SGTA: variants seen among roughly 807,000 people sequenced by gnomAD.
SGTA encodes small glutamine-rich tetratricopeptide repeat-containing protein alpha.
SGTA carries 22 observed loss-of-function variants against 44.3 expected under a neutral mutation model. That is an observed-to-expected ratio of 0.50 (90% CI 0.36 to 0.71). The LOEUF (loss-of-function observed/expected upper bound fraction) is 0.71, where lower values mean the gene tolerates loss of function less well. SGTA is among the 30% of genes least tolerant of loss of function. The pLI is 0.00. For missense variants in SGTA, 341 were observed against 435.9 expected, an observed-to-expected ratio of 0.78 and a Z score of 1.94; for synonymous variants, 174 against 177.6, an observed-to-expected ratio of 0.98 and a Z score of 0.16.
rs776600289 is a variant in SGTA at position 2,768,924 on chromosome 19, T to A, written c.100+45A>T. On this transcript the variant is annotated intron_variant, in intron 2 of 11. Coordinates refer to ENST00000221566, the MANE Select transcript of SGTA (RefSeq NM_003021.4). ...AGGTGTCTACACGAGGCGACTGTGC[T>A]GGCCGCTGCCCGGGGAGAGGGGGAA... 20 of 1,442,180 alleles carry A rather than the reference T, an allele frequency of 1.4e-5. No homozygotes were observed. In the South Asian group the frequency reaches 2.1e-4, roughly 15 times the overall value. 89.3% of individuals were successfully genotyped at this position (1,442,180 alleles called of 1,614,324 possible).
chr19:2,763,078 G>T lies in SGTA; in HGVS notation c.498-434C>A, dbSNP rs1028325517. On this transcript the variant is annotated intron_variant, in intron 6 of 11. Transcript: ENST00000221566. The surrounding 1 kb of genome is among the most constrained non-coding windows in gnomAD (Gnocchi z 5.8). The stretch of plus-strand genomic sequence containing the variant: ...CCCCCACCTGAGTGAGTCTTCACTC[G>T]TGAGGTGACTCAGGGCCCCTACAGA... 1.3e-5 allele frequency among the ~76,000 whole-genome samples: 2 copies of T among 152,176 alleles called. No homozygotes were observed. Among genetic ancestry groups the T allele is most frequent in the African/African-American group, 2.4e-5 (1 of 41,456 alleles).
rs565758472 is a variant in SGTA at position 2,768,910 on chromosome 19, C to T, written c.100+59G>A. On this transcript the variant is annotated intron_variant, in intron 2 of 11. Transcript: ENST00000221566. Reference sequence around the variant, plus strand: ...GGCATCTACACACCAGGTGTCTACACGAGGCGACTGTGCTGGCCGCTGCCC... The same window carrying T: ...GGCATCTACACACCAGGTGTCTACATGAGGCGACTGTGCTGGCCGCTGCCC... The T allele has an allele frequency of 5.3e-5, 67 of 1,274,888 alleles. 1 individual carries two copies. The highest frequency in any genetic ancestry group is 5.3e-4 in the South Asian group (44 of 83,792). The allele number at this position is 1,274,888 out of a possible 1,614,324, so 79.0% of individuals were successfully genotyped here.
intron 9 of SGTA, 49 bp from the exon 10 acceptor site, chr19:2,757,831 C>T (rs1914872462): frequency 7.5e-7 from 1 of 1,326,994 alleles, no homozygotes; most frequent in East Asian, 2.5e-5. Context: ...TGACCGCCAC[C>T]CCCACTGCAG....
chr19:2,776,971 A>G (rs1915457595), intron 1 of SGTA, among the ~76,000 whole-genome samples: 1 of 151,480 alleles, frequency 6.6e-6, no homozygotes, highest in Non-Finnish European at 1.5e-5. Context: ...TCAAAAAAAA[A>G]AGAAAGACTG....
rs1278315304 is a variant in SGTA, at chr19:2,757,788, G to A, written c.738-6C>T. On this transcript the variant is annotated splice_region_variant and splice_polypyrimidine_tract_variant and intron_variant, in intron 9 of 11. Transcript: ENST00000221566. ...CCGAAATCATGCCGGACATGCTGCA[G>A]GAGAGAGCGCGTGACTCGCAGCCGG... 6.3e-5 allele frequency: 100 copies of A among 1,579,072 alleles called. No individual in the cohort carries two copies. Among genetic ancestry groups the A allele is most frequent in the Non-Finnish European group, 8.2e-5 (95 of 1,162,932 alleles).
Position 2,765,019 on chromosome 19 carries a change from G to A in SGTA, c.392+167C>T, listed in dbSNP as rs111267543. ...TTTTAAATCAGCATCGACTCTCCCC[G>A]ACCCCGTTGCTGGTCACCTGATGCT... is the stretch of plus-strand genomic sequence containing the variant. On this transcript the variant is annotated intron_variant, in intron 5 of 11. Transcript: ENST00000221566. This position sits in a 1 kb window ranked among gnomAD's most constrained non-coding sequence, Gnocchi z 5.5. Among the ~76,000 whole-genome samples, 913 of 152,054 alleles carry A rather than the reference G, an allele frequency of 6.0e-3. 23 individuals are homozygous for A. Among genetic ancestry groups the A allele is most frequent in the East Asian group, 0.014 (72 of 5,164 alleles).
chr19:2,761,442 G>A lies in SGTA; in HGVS notation c.699+18C>T, dbSNP rs1914986404. On this transcript the variant is annotated intron_variant, in intron 8 of 11. Coordinates refer to ENST00000221566, the MANE Select transcript of SGTA (RefSeq NM_003021.4). The surrounding 1 kb of genome is among the most constrained non-coding windows in gnomAD (Gnocchi z 5.7). ...GTGGCGCAGACACCATGGACAGGGA[G>A]GAGGGGCGGGCCGTTACCATGCTCA... 6.5e-7 allele frequency: 1 copy of A among 1,549,858 alleles called. No homozygotes were observed. Among genetic ancestry groups the A allele is most frequent in the African/African-American group, 1.4e-5 (1 of 72,996 alleles).
chr19:2,769,470 C>A (rs1915238922), intron 1 of SGTA, among the ~76,000 whole-genome samples: 1 of 152,146 alleles, frequency 6.6e-6, no homozygotes, highest in South Asian at 2.1e-4. Context: ...CCCTGCAGTG[C>A]CCAGGACAGC....
At position 2,761,896 on chromosome 19, in the gene SGTA, C is replaced by A. The variant is rs1436361439; in HGVS notation, c.637-374G>T. Among the ~76,000 whole-genome samples, 1 of 149,050 alleles carries A rather than the reference C, an allele frequency of 6.7e-6. No homozygotes were observed. The highest frequency in any genetic ancestry group is 6.6e-5 in the Admixed American group (1 of 15,056). ...TCCCGTGTTTATTCCCCGTACAGCG[C>A]GACCGCCCGGGGACGGCACAGTCTA... On this transcript the variant is annotated intron_variant, in intron 7 of 11. Coordinates refer to ENST00000221566, the MANE Select transcript of SGTA (RefSeq NM_003021.4). This position sits in a 1 kb window ranked among gnomAD's most constrained non-coding sequence, Gnocchi z 5.7.
chr19:2,768,668 A>G (rs77867307), intron 2 of SGTA, among the ~76,000 whole-genome samples: 3,886 of 152,312 alleles, frequency 0.026, 156 homozygotes, highest in African/African-American at 0.087. Context: ...TGGTGAGAAC[A>G]TTCCAGAACA....
chr19:2,762,452 C>G, intron 7 of SGTA, 54 bp downstream of exon 7: 1 of 1,599,956 alleles, frequency 6.3e-7, no homozygotes, highest in Non-Finnish European at 8.5e-7. Flanking sequence ...GACCTGTCCC[C>G]CACCCACACA....
At position 2,755,707 on chromosome 19, in the gene SGTA, T is replaced by C. The variant is rs966022078; in HGVS notation, c.*233A>G. 9 of 985,358 alleles carry C rather than the reference T, an allele frequency of 9.1e-6. No homozygotes were observed. The highest frequency in any genetic ancestry group is 1.7e-5 in the African/African-American group (1 of 57,222). The allele number at this position is 985,358 out of a possible 1,614,324, so 61.0% of individuals were successfully genotyped here. On this transcript the variant is annotated 3_prime_UTR_variant, in exon 12 of 12. Transcript: ENST00000221566. The surrounding 1 kb of genome is among the most constrained non-coding windows in gnomAD (Gnocchi z 5.2). ...GCTGGAAGGGAGGTCGCTGCTGGTC[T>C]GTGCTCAGCTTGCTGGCTCTCGTTT...
chr19:2,766,307 C>T (rs1421822440), intron 4 of SGTA, among the ~76,000 whole-genome samples: 1 of 152,178 alleles, frequency 6.6e-6, no homozygotes. Context: ...GGTGCATCTG[C>T]GCTGGGGCCT....
Position 2,767,873 on chromosome 19 carries a change from A to G in SGTA, c.101-187T>C, listed in dbSNP as rs1192266167. 1.3e-5 allele frequency among the ~76,000 whole-genome samples: 2 copies of G among 152,138 alleles called. No individual in the cohort carries two copies. The highest frequency in any genetic ancestry group is 2.9e-5 in the Non-Finnish European group (2 of 68,014). ...GACCCTCTTCCTTCCCGAAAAGAAA[A>G]GCCAGACAGAGACGCCCCGTGCCCC... On this transcript the variant is annotated intron_variant, in intron 2 of 11. Transcript: ENST00000221566. This position sits in a 1 kb window ranked among gnomAD's most constrained non-coding sequence, Gnocchi z 7.3.
At chr19:2,781,289 T>C (rs970273702) in intron 1 of SGTA, among the ~76,000 whole-genome samples, 1 of 152,224 alleles carries the variant, frequency 6.6e-6, no homozygotes, top group African/African-American at 2.4e-5. Context: ...ATCCTTGGCG[T>C]GCTTACAGCT....
At chr19:2,775,547 A>G (rs1915427076) in intron 1 of SGTA, among the ~76,000 whole-genome samples, 1 of 152,240 alleles carries the variant, frequency 6.6e-6, no homozygotes, top group Non-Finnish European at 1.5e-5. Context: ...TCATTAAAAA[A>G]CAAAACAAAA....
At position 2,757,764 on chromosome 19, in the gene SGTA, C is replaced by A; in HGVS notation, c.756G>T (p.Ser252=). ...GAGTTCCCAAGGGGTTGTTGCCACCCGAAATCATGCCGGACATGCTGCAGG... is the reference window on the plus strand; with the variant it reads ...GAGTTCCCAAGGGGTTGTTGCCACCAGAAATCATGCCGGACATGCTGCAGG... ...QIQQLMSGMI[S]GGNNPLGTPG... is the part of the protein sequence containing the mutation. Residue 252 remains serine, a synonymous_variant, in exon 10 of 12, where the codon TCG becomes TCT. Coordinates refer to ENST00000221566, the MANE Select transcript of SGTA (RefSeq NM_003021.4). 2 of 1,601,838 alleles carry A rather than the reference C, an allele frequency of 1.2e-6. No homozygotes were observed. Among genetic ancestry groups the A allele is most frequent in the East Asian group, 2.2e-5 (1 of 44,542 alleles).
At chr19:2,762,813 G>A (rs1241826080) in intron 6 of SGTA, among the ~76,000 whole-genome samples, 169 bp from the exon 7 acceptor site, 1 of 152,202 alleles carries the variant, frequency 6.6e-6, no homozygotes, top group East Asian at 1.9e-4. Flanking sequence ...AGGGGCCCAG[G>A]GGCAGGACTG....
At chr19:2,757,599 G>A in intron 10 of SGTA, 94 bp downstream of exon 10, 1 of 1,442,858 alleles carries the variant, frequency 6.9e-7, no homozygotes, top group East Asian at 2.5e-5. Context: ...TTCGGAGCAG[G>A]GGACGCAGCA....
Sources: gnomAD v4.1 joint callset for allele counts (sites outside exome capture counted in the v4.1 genomes callset) on GRCh38, gnomAD v4.1.1 for gene constraint, Gnocchi (gnomAD v3.1) non-coding constraint, MANE v1.5 for transcripts, NCBI Gene and HGNC (gene_info 2026-07-23, HGNC 2026-07-21) for gene names.